VIT: variants seen among roughly 807,000 people sequenced by gnomAD.
The protein encoded by VIT is vitrin.
Under a neutral mutation model 78.0 loss-of-function variants are expected in VIT, and 99 were observed. That is an observed-to-expected ratio of 1.27 (90% CI 1.08 to 1.50). The LOEUF is 1.50. Ranked by LOEUF, VIT falls within the 40% of genes most tolerant of loss-of-function variation. The pLI, the probability that VIT is intolerant of heterozygous loss-of-function variation, is 0.00. For missense variants in VIT, 1,126 were observed against 875.3 expected, an observed-to-expected ratio of 1.29 and a Z score of -3.61; for synonymous variants, 374 against 334.3, an observed-to-expected ratio of 1.12 and a Z score of -1.29.
intron 4 of VIT, among the ~76,000 whole-genome samples, chr2:36,747,780 C>T (rs965866818): frequency 3.3e-5 from 5 of 152,086 alleles, no homozygotes; most frequent in South Asian, 2.1e-4. Flanking sequence ...TATGAGGTTT[C>T]GACCTGATCA....
chr2:36,809,500 C>A (rs1346035432), intron 15 of VIT, among the ~76,000 whole-genome samples: 1 of 152,210 alleles, frequency 6.6e-6, no homozygotes, highest in Non-Finnish European at 1.5e-5. Context: ...TCACTGCAAC[C>A]TCTGCCTCCC....
intron 3 of VIT, among the ~76,000 whole-genome samples, chr2:36,735,274 C>T (rs17492833): frequency 6.6e-6 from 1 of 152,134 alleles, no homozygotes; most frequent in Admixed American, 6.5e-5. Flanking sequence ...CAGCTCTACT[C>T]CACAAACCCA....
chr2:36,807,635 C>A (rs1666826366), intron 14 of VIT, among the ~76,000 whole-genome samples: 1 of 152,172 alleles, frequency 6.6e-6, no homozygotes, highest in Non-Finnish European at 1.5e-5. Flanking sequence ...TTCTGTGACC[C>A]AGAGGCAGGG....
chr2:36,749,096 G>A (rs1472148470), intron 4 of VIT, among the ~76,000 whole-genome samples: 3 of 152,198 alleles, frequency 2.0e-5, no homozygotes, highest in African/African-American at 7.2e-5. Flanking sequence ...ACACTTTGAT[G>A]GGGAGAGGAA....
In VIT at chr2:36,814,527, CT is replaced by C; in HGVS notation, c.*168del. On this transcript the variant is annotated 3_prime_UTR_variant, in exon 16 of 16. Transcript: ENST00000379242. ...CATCATGCTTTTTCATATTCCAAAA[CT>C]TGGAGTTACAAAGATGATCACAAAC... 1.1e-6 allele frequency: 1 copy of C among 875,846 alleles called. No homozygotes were observed. The highest frequency in any genetic ancestry group is 1.7e-6 in the Non-Finnish European group (1 of 597,164). The allele number at this position is 875,846 out of a possible 1,614,324, so 54.3% of individuals were successfully genotyped here.
intron 2 of VIT, among the ~76,000 whole-genome samples, chr2:36,727,426 A>G (rs539480888): frequency 6.6e-6 from 1 of 152,332 alleles, no homozygotes; most frequent in Non-Finnish European, 1.5e-5. Context: ...GGGAAGACAG[A>G]GTACAGGAAG....
chr2:36,794,461 T>C (rs1665724376), intron 12 of VIT, among the ~76,000 whole-genome samples: 1 of 152,246 alleles, frequency 6.6e-6, no homozygotes, highest in Non-Finnish European at 1.5e-5. Flanking sequence ...GTAACCAGGC[T>C]AATCAGGCCA....
At chr2:36,809,044 C>T (rs968896210) in intron 15 of VIT, 59 bp downstream of exon 15, 39 of 1,515,982 alleles carry the variant, frequency 2.6e-5, no homozygotes, top group South Asian at 6.7e-5. Context: ...CTTGGTGGGC[C>T]AGTGGGACAA....
At chr2:36,728,976 G>T (rs1002217022) in intron 2 of VIT, among the ~76,000 whole-genome samples, 21 of 151,978 alleles carry the variant, frequency 1.4e-4, no homozygotes, top group African/African-American at 4.8e-4. Flanking sequence ...TTCCAGTCCC[G>T]CAAGCTCCAT....
In VIT at chr2:36,808,922, C is replaced by G. The variant is rs202117537; in HGVS notation, c.1840C>G (p.Leu614Val). The change falls in exon 15 of 16, where the codon CTC becomes GTC. Residue 614 changes from leucine to valine, a missense_variant. Physicochemically the swap from Leu to Val is conservative, Grantham distance 32. Transcript: ENST00000379242. ...SKPNKRKLMI[L>V]ITDGRSYDDV... The stretch of plus-strand genomic sequence containing the variant: ...GCCCAACAAGAGGAAGTTAATGATC[C>G]TCATCACCGACGGGAGGTCCTACGA... The G allele has an allele frequency of 6.2e-6, 10 of 1,613,686 alleles. No homozygotes were observed. The Admixed American group carries it at 6.7e-5, about 11-fold the overall frequency.
At chr2:36,728,968 C>T (rs1422354034) in intron 2 of VIT, among the ~76,000 whole-genome samples, 1 of 152,148 alleles carries the variant, frequency 6.6e-6, no homozygotes, top group Non-Finnish European at 1.5e-5. Flanking sequence ...AGAGCAACTT[C>T]CAGTCCCGCA....
chr2:36,814,381 C>T lies in VIT; in HGVS notation c.*20C>T, dbSNP rs1318334574. On this transcript the variant is annotated 3_prime_UTR_variant, in exon 16 of 16. Transcript: ENST00000379242. ...AACTGAATTCAGAGCAGGCAGAGCA[C>T]CAGCAAGTGCTGCTTTACTAACTGA... 1 of 1,612,610 alleles carries T rather than the reference C, an allele frequency of 6.2e-7. No homozygotes were observed. Among genetic ancestry groups the T allele is most frequent in the Non-Finnish European group, 8.5e-7 (1 of 1,179,082 alleles).
chr2:36,776,523 G>A (rs1022495988), intron 9 of VIT, among the ~76,000 whole-genome samples: 11 of 152,070 alleles, frequency 7.2e-5, no homozygotes, highest in Non-Finnish European at 1.2e-4. Flanking sequence ...TAGTTAGGCC[G>A]GGTGCGGTGG....
At chr2:36,779,273 C>A (rs1670249918) in intron 9 of VIT, among the ~76,000 whole-genome samples, 1 of 152,168 alleles carries the variant, frequency 6.6e-6, no homozygotes, top group Non-Finnish European at 1.5e-5. Flanking sequence ...TTCTGCCACT[C>A]CCTGTGCATG....
chr2:36,767,144 C>T lies in VIT; in HGVS notation c.538C>T (p.Gln180Ter), dbSNP rs988766585. Residue 180 changes from glutamine (Q) to a stop codon, truncating the protein, a stop_gained, in exon 7 of 16, where the codon CAG becomes TAG. Coordinates refer to ENST00000379242, the MANE Select transcript of VIT (RefSeq NM_053276.4). LOFTEE classifies it high-confidence loss of function. ...GCCACCTATTCCAGGGACAACTGCA[C>T]AGCCGGTCACTCTGATGCAGCTTCT... is the stretch of plus-strand genomic sequence containing the variant. Reference protein sequence around the residue: ...QRPPIPGTTAQPVTLMQLLAV... With the variant: ...QRPPIPGTTA 4 of 1,608,336 alleles carry T rather than the reference C, an allele frequency of 2.5e-6. No homozygotes were observed. The African/African-American group carries it at 5.4e-5, about 22-fold the overall frequency.
At chr2:36,716,569 T>C (rs2148449533) in intron 2 of VIT, 147 bp downstream of exon 2, 5 of 701,374 alleles carry the variant, frequency 7.1e-6, no homozygotes, top group South Asian at 4.0e-5. Context: ...AGAGATGTTT[T>C]AAGTAAGAAT....
chr2:36,725,297 G>C (rs1553364197), intron 2 of VIT, among the ~76,000 whole-genome samples: 1 of 152,202 alleles, frequency 6.6e-6, no homozygotes, highest in Non-Finnish European at 1.5e-5. Context: ...AACTGCTATA[G>C]ACTGAGTGGC....
Position 36,808,463 on chromosome 2 carries a change from G to C in VIT, c.1390-9G>C. Reference sequence around the variant, plus strand: ...GACGTGGCGTGGGTCCCTCCCCTCTGTCTTCTAGGCCGTGTGCAGAACAAA... The same window carrying C: ...GACGTGGCGTGGGTCCCTCCCCTCTCTCTTCTAGGCCGTGTGCAGAACAAA... On this transcript the variant is annotated splice_polypyrimidine_tract_variant and intron_variant, in intron 14 of 15. Coordinates refer to ENST00000379242, the MANE Select transcript of VIT (RefSeq NM_053276.4). 1 of 1,591,710 alleles carries C rather than the reference G, an allele frequency of 6.3e-7. No individual in the cohort carries two copies. Among genetic ancestry groups the C allele is most frequent in the Non-Finnish European group, 8.6e-7 (1 of 1,163,964 alleles).
chr2:36,701,898 C>T (rs1665083696), intron 1 of VIT, among the ~76,000 whole-genome samples: 1 of 152,154 alleles, frequency 6.6e-6, no homozygotes, highest in South Asian at 2.1e-4. Flanking sequence ...TTTGGGCCAC[C>T]TCCATGTGCT....
Sources: gnomAD v4.1 joint callset for allele counts (sites outside exome capture counted in the v4.1 genomes callset) on GRCh38, gnomAD v4.1.1 for gene constraint, MANE v1.5 for transcripts, NCBI Gene and HGNC (gene_info 2026-07-23, HGNC 2026-07-21) for gene names.